Variants in EDIL3 observed in about 807,000 individuals in gnomAD.
EDIL3 encodes EGF like and discoidin domains 3, also known as EGF-like repeat and discoidin I-like domain-containing protein 3.
A neutral mutation model predicts 67.4 loss-of-function variants in EDIL3; 37 were observed. That is an observed-to-expected ratio of 0.55 (90% CI 0.42 to 0.72). EDIL3 has a LOEUF of 0.72. Ranked by LOEUF, EDIL3 falls within the 30% of genes least tolerant of loss-of-function variation. The pLI is 0.00. For missense variants in EDIL3, 527 were observed against 586.3 expected, an observed-to-expected ratio of 0.90 and a Z score of 1.04; for synonymous variants, 195 against 196.3, an observed-to-expected ratio of 0.99 and a Z score of 0.05.
chr5:84,206,512 T>C (rs1353747020), intron 3 of EDIL3, among the ~76,000 whole-genome samples: 2 of 152,006 alleles, frequency 1.3e-5, no homozygotes, highest in African/African-American at 4.8e-5. Flanking sequence ...TTCCAATCAA[T>C]AGAAAAAGAG....
chr5:84,163,423 T>C (rs1748648086), intron 4 of EDIL3, among the ~76,000 whole-genome samples: 1 of 152,058 alleles, frequency 6.6e-6, no homozygotes, highest in South Asian at 2.1e-4. Context: ...AAAATATCAA[T>C]TAAAAAATAA....
chr5:83,991,037 A>G (rs1012932392), intron 9 of EDIL3, among the ~76,000 whole-genome samples: 1 of 152,208 alleles, frequency 6.6e-6, no homozygotes, highest in Non-Finnish European at 1.5e-5. Context: ...TGAAAGGTGA[A>G]GCACACTGCT....
At chr5:84,383,168 T>C (rs146244273) in intron 1 of EDIL3, among the ~76,000 whole-genome samples, 98 of 152,314 alleles carry the variant, frequency 6.4e-4, no homozygotes, top group African/African-American at 2.2e-3. Context: ...TGAAGCTGCC[T>C]GCAGAGGATT....
chr5:84,204,653 A>C (rs547865000), intron 3 of EDIL3, among the ~76,000 whole-genome samples: 45 of 152,196 alleles, frequency 3.0e-4, no homozygotes, highest in African/African-American at 9.9e-4. Context: ...TCAGAAATTC[A>C]GCAGGCTCCT....
intron 1 of EDIL3, among the ~76,000 whole-genome samples, chr5:84,265,497 C>T (rs1333917968): frequency 6.6e-6 from 1 of 152,140 alleles, no homozygotes; most frequent in African/African-American, 2.4e-5. Context: ...TTTTAAAAGT[C>T]AGGTTTAGAT....
chr5:84,231,522 G>A (rs1376540015), intron 2 of EDIL3, among the ~76,000 whole-genome samples: 2 of 152,168 alleles, frequency 1.3e-5, no homozygotes, highest in East Asian at 3.9e-4. Flanking sequence ...CGTTAATCAA[G>A]GTATCACTGT....
intron 1 of EDIL3, among the ~76,000 whole-genome samples, chr5:84,294,452 C>G (rs2112122666): frequency 6.9e-6 from 1 of 145,388 alleles, no homozygotes; most frequent in Middle Eastern, 3.6e-3. Context: ...AAAGTTTCAA[C>G]TAGCCAGATA....
intron 9 of EDIL3, among the ~76,000 whole-genome samples, chr5:84,026,892 C>G (rs1745825315): frequency 6.6e-6 from 1 of 151,994 alleles, no homozygotes; most frequent in Non-Finnish European, 1.5e-5. Flanking sequence ...TTGAGACCAG[C>G]CTGGCAACAT....
chr5:84,269,870 A>C (rs1745428278), intron 1 of EDIL3, among the ~76,000 whole-genome samples: 1 of 152,182 alleles, frequency 6.6e-6, no homozygotes. Flanking sequence ...AACGTTCTTC[A>C]CTTTAAGTTT....
chr5:83,951,123 T>C (rs920104941), intron 10 of EDIL3, among the ~76,000 whole-genome samples: 6 of 151,730 alleles, frequency 4.0e-5, no homozygotes, highest in Admixed American at 2.0e-4. Flanking sequence ...TTATAGAACA[T>C]TTTTGCTTGA....
At chr5:84,011,656 G>T (rs888901530) in intron 9 of EDIL3, among the ~76,000 whole-genome samples, 1 of 152,094 alleles carries the variant, frequency 6.6e-6, no homozygotes, top group African/African-American at 2.4e-5. Flanking sequence ...GTCATCTACA[G>T]CATCTCTGAC....
chr5:84,065,132 C>G (rs974834947), intron 7 of EDIL3, among the ~76,000 whole-genome samples: 3 of 152,282 alleles, frequency 2.0e-5, no homozygotes, highest in African/African-American at 7.2e-5. Flanking sequence ...CAGCGCTCTT[C>G]TCTTTTTTTG....
chr5:84,064,222 A>G (rs772529275), intron 8 of EDIL3, among the ~76,000 whole-genome samples: 2 of 152,036 alleles, frequency 1.3e-5, no homozygotes, highest in Non-Finnish European at 2.9e-5. Context: ...TGTTTCATAA[A>G]ACCTAAAAAA....
intron 1 of EDIL3, among the ~76,000 whole-genome samples, chr5:84,262,494 C>CATAAGGGCACTTATTTATTTATA (rs1422938062): frequency 1.3e-5 from 2 of 151,760 alleles, no homozygotes; most frequent in Non-Finnish European, 2.9e-5. Flanking sequence ...CTACAATCAG[C>CATAAGGGCACTTATTTATTTATA]AAATCATAAA....
chr5:84,277,428 C>G (rs1745603409), intron 1 of EDIL3, among the ~76,000 whole-genome samples: 1 of 152,074 alleles, frequency 6.6e-6, no homozygotes, highest in Non-Finnish European at 1.5e-5. Flanking sequence ...GCCACCCAGT[C>G]TATATTATTT....
At chr5:84,100,876 C>G (rs1004694856) in intron 6 of EDIL3, among the ~76,000 whole-genome samples, 2 of 151,920 alleles carry the variant, frequency 1.3e-5, no homozygotes, top group African/African-American at 4.8e-5. Context: ...TTATGCTATT[C>G]CATTTAAATT....
chr5:83,985,288 C>T (rs925148867), intron 9 of EDIL3, among the ~76,000 whole-genome samples: 3 of 151,886 alleles, frequency 2.0e-5, no homozygotes, highest in Non-Finnish European at 2.9e-5. Context: ...ATAATGATTT[C>T]TCTAGTTTAG....
At chr5:84,308,706 G>C (rs1424240200) in intron 1 of EDIL3, among the ~76,000 whole-genome samples, 3 of 152,030 alleles carry the variant, frequency 2.0e-5, no homozygotes, top group Non-Finnish European at 4.4e-5. Flanking sequence ...AAATCTATCT[G>C]AACAAGATGA....
chr5:84,312,813 G>T (rs376648226), intron 1 of EDIL3, among the ~76,000 whole-genome samples: 10 of 152,176 alleles, frequency 6.6e-5, no homozygotes, highest in South Asian at 2.1e-4. Context: ...CCATCAAAGT[G>T]CTCTTCTTTT....
Sources: allele counts gnomAD v4.1 joint callset (sites outside exome capture counted in the v4.1 genomes callset), GRCh38; gene constraint gnomAD v4.1.1; transcripts MANE v1.5; gene names NCBI Gene and HGNC (gene_info 2026-07-23, HGNC 2026-07-21).